Variants in CFAP46 observed in about 807,000 individuals in gnomAD.
CFAP46 encodes the protein cilia- and flagella-associated protein 46.
In CFAP46, 245 loss-of-function variants were observed where a neutral mutation model predicts 325.7. The ratio of observed to expected loss-of-function variants is 0.75; its 90% CI spans 0.68 to 0.84. The LOEUF (loss-of-function observed/expected upper bound fraction) is 0.84. Among genes scored for constraint, CFAP46 ranks in the 40% least tolerant of loss-of-function variants. CFAP46 has a pLI of 0.00. For synonymous variants in CFAP46, 1,523 were observed against 1,495.9 expected (o/e 1.02, Z -0.42); for missense variants, 3,346 against 3,543.0 (o/e 0.94, Z 1.41).
At position 132,833,401 on chromosome 10, in the gene CFAP46, A is replaced by G; in HGVS notation, c.7074T>C (p.Phe2358=). The change falls in exon 50 of 58, where the codon TTT becomes TTC. Residue 2358 remains phenylalanine, a synonymous_variant. Transcript: ENST00000368586. ...GGCGATTCCACAGCATTTGAAGAGA[A>G]AATTCTCGTGACACAGAGGAAATTG... The part of the protein sequence containing the change: ...EGTISSVSRE[F]SLQMLWNRLH... 3 of 1,614,162 alleles carry G rather than the reference A, an allele frequency of 1.9e-6. No individual in the cohort carries two copies. Among genetic ancestry groups the G allele is most frequent in the Non-Finnish European group, 2.5e-6 (3 of 1,180,032 alleles).
chr10:132,872,845 C>T (rs1258267800), intron 31 of CFAP46, 21 bp from the exon 32 acceptor site: 2 of 1,550,348 alleles, frequency 1.3e-6, no homozygotes, highest in Admixed American at 3.9e-5. Context: ...ACATAACACA[C>T]ACAGGAGGTC....
In CFAP46 at chr10:132,831,896, TTTTG is replaced by T. The variant is rs376940510; in HGVS notation, c.7117+1458_7117+1461del. On this transcript the variant is annotated intron_variant, in intron 50 of 57. Transcript: ENST00000368586. ...TATTTGCTATAAACTCTGTGGGGTT[TTTTG>T]TTTGTTTTTCTTGTTTTGTTTTTAT... 3.8e-3 allele frequency among the ~76,000 whole-genome samples: 580 copies of T among 152,310 alleles called. 3 individuals are homozygous for T. The highest frequency in any genetic ancestry group is 0.013 in the African/African-American group (534 of 41,562).
rs1271324305 is a variant in CFAP46 at position 132,823,445 on chromosome 10, CTGA to C, written c.7118-8534_7118-8532del. On this transcript the variant is annotated intron_variant, in intron 50 of 57. Transcript: ENST00000368586. Reference sequence around the variant, plus strand: ...TGAGTGCTGATGTGTGCTGTGTGTGCTGATGTGTGTTGTGTGTGCTGTGTGAGT... The same window carrying C: ...TGAGTGCTGATGTGTGCTGTGTGTGCTGTGTGTTGTGTGTGCTGTGTGAGT... Among the ~76,000 whole-genome samples the C allele has an allele frequency of 1.2e-4, 13 of 110,054 alleles. No individual in the cohort carries two copies. The East Asian group carries it at 1.9e-3, about 16-fold the overall frequency. The allele number at this position is 110,054 out of a possible 152,430, so 72.2% of individuals were successfully genotyped here.
At chr10:132,937,350 T>C (rs1850024356) in intron 6 of CFAP46, 4 of 612,106 alleles carry the variant, frequency 6.5e-6, no homozygotes, top group African/African-American at 5.6e-5. Context: ...TGTTTTGTTT[T>C]CTAAATGTCA....
chr10:132,819,887 C>T (rs748039959), intron 50 of CFAP46, among the ~76,000 whole-genome samples: 11 of 152,160 alleles, frequency 7.2e-5, no homozygotes, highest in Admixed American at 1.3e-4. Flanking sequence ...GAAATAAACA[C>T]GTGAGATCAC....
intron 34 of CFAP46, among the ~76,000 whole-genome samples, chr10:132,867,128 C>T (rs906175171): frequency 2.6e-5 from 4 of 151,666 alleles, no homozygotes; most frequent in African/African-American, 7.3e-5. Context: ...ACACACAGGC[C>T]GGCCCCTCGC....
chr10:132,836,773 C>T (rs764427707), intron 45 of CFAP46, 44 bp downstream of exon 45: 7 of 1,552,926 alleles, frequency 4.5e-6, no homozygotes, highest in Non-Finnish European at 5.3e-6. Flanking sequence ...CCTGAGGCCT[C>T]TCAGCGGGCT....
At position 132,836,934 on chromosome 10, in the gene CFAP46, C is replaced by T. The variant is rs1276942496; in HGVS notation, c.6439-20G>A. The T allele has an allele frequency of 6.3e-7, 1 of 1,585,808 alleles. No individual in the cohort carries two copies. Among genetic ancestry groups the T allele is most frequent in the Non-Finnish European group, 8.7e-7 (1 of 1,154,602 alleles). On this transcript the variant is annotated intron_variant, in intron 44 of 57. Transcript: ENST00000368586. ...CCAAGCCTGTGTGGCGAAAAACGGCCATCAGGGGATGCATTTAGGACGCAA... is the reference window on the plus strand; with the variant it reads ...CCAAGCCTGTGTGGCGAAAAACGGCTATCAGGGGATGCATTTAGGACGCAA...
Position 132,939,054 on chromosome 10 carries a change from A to C in CFAP46, c.372-301T>G, listed in dbSNP as rs534447786. Among the ~76,000 whole-genome samples, 45 of 152,250 alleles carry C rather than the reference A, an allele frequency of 3.0e-4. No homozygotes were observed. Among genetic ancestry groups the C allele is most frequent in the African/African-American group, 1.1e-3 (44 of 41,550 alleles). On this transcript the variant is annotated intron_variant, in intron 4 of 57. Coordinates refer to ENST00000368586, the MANE Select transcript of CFAP46 (RefSeq NM_001200049.3). This position sits in a 1 kb window ranked among gnomAD's most constrained non-coding sequence, Gnocchi z 4.6. ...AGTCCAGACCAGGGCCTTCTTCATCAATTATTCCACAAACTGATCGGCCCC... is the reference window on the plus strand; with the variant it reads ...AGTCCAGACCAGGGCCTTCTTCATCCATTATTCCACAAACTGATCGGCCCC...
chr10:132,821,511 C>A (rs1426533921), intron 50 of CFAP46, among the ~76,000 whole-genome samples: 9 of 115,248 alleles, frequency 7.8e-5, no homozygotes, highest in East Asian at 2.9e-4. Flanking sequence ...GCTGTGTGCG[C>A]TGTGTGCTGT....
In CFAP46 at chr10:132,866,172, C is replaced by G; in HGVS notation, c.4744-1G>C. 1 of 1,519,172 alleles carries G rather than the reference C, an allele frequency of 6.6e-7. No individual in the cohort carries two copies. Among genetic ancestry groups the G allele is most frequent in the Non-Finnish European group, 8.8e-7 (1 of 1,131,276 alleles). 94.1% of individuals were successfully genotyped at this position (1,519,172 alleles called of 1,614,324 possible). ...CGGTCTCCCCATTCATCTTCAAAAT[C>G]TGTAAGATACCGCAGCCCCAGGCGG... On this transcript the variant is annotated splice_acceptor_variant, in intron 34 of 57. Coordinates refer to ENST00000368586, the MANE Select transcript of CFAP46 (RefSeq NM_001200049.3). LOFTEE classifies it high-confidence loss of function.
chr10:132,851,153 A>T lies in CFAP46; in HGVS notation c.5727T>A (p.Tyr1909Ter). The T allele has an allele frequency of 6.2e-7, 1 of 1,614,078 alleles. No individual in the cohort carries two copies. Among genetic ancestry groups the T allele is most frequent in the Non-Finnish European group, 8.5e-7 (1 of 1,180,034 alleles). ...QGSLEKLLAD[Y>*]LQNTSDYTSV... ...AAGTGTAGTCACTGGTGTTCTGCAG[A>T]TAGTCCGCCAGCAGCTTCTCCAGGG... The change falls in exon 40 of 58, where the codon TAT (tyrosine) becomes TAA (stop). Residue 1909 changes from tyrosine to a stop codon, truncating the protein, a stop_gained. Coordinates refer to ENST00000368586, the MANE Select transcript of CFAP46 (RefSeq NM_001200049.3). LOFTEE classifies it high-confidence loss of function.
intron 48 of CFAP46, 80 bp downstream of exon 48, chr10:132,834,574 A>G: frequency 6.4e-7 from 1 of 1,550,844 alleles, no homozygotes; most frequent in South Asian, 1.2e-5. Context: ...CAGCAAGCAC[A>G]CGTGGTTGGC....
In CFAP46 at chr10:132,934,774, A is replaced by T; in HGVS notation, c.844T>A (p.Phe282Ile). 6.2e-7 allele frequency: 1 copy of T among 1,602,424 alleles called. No homozygotes were observed. Among genetic ancestry groups the T allele is most frequent in the Non-Finnish European group, 8.5e-7 (1 of 1,169,830 alleles). Reference protein sequence around the residue: ...RHLGHYNHQRFPSISEEKMLL... With the variant: ...RHLGHYNHQRIPSISEEKMLL... Reference sequence around the variant, plus strand: ...TACTTTTCTTCACTGATAGAGGGAAAGCGCTGGTGGTTGTAATGACCTAAG... The same window carrying T: ...TACTTTTCTTCACTGATAGAGGGAATGCGCTGGTGGTTGTAATGACCTAAG... Residue 282 changes from phenylalanine (F) to isoleucine (I), a missense_variant, in exon 8 of 58, where the codon TTT becomes ATT. Physicochemically the swap from Phe to Ile is conservative, Grantham distance 21. Coordinates refer to ENST00000368586, the MANE Select transcript of CFAP46 (RefSeq NM_001200049.3).
intron 24 of CFAP46, among the ~76,000 whole-genome samples, chr10:132,892,994 G>A (rs141341228): frequency 6.6e-6 from 1 of 152,270 alleles, no homozygotes; most frequent in African/African-American, 2.4e-5. Flanking sequence ...CCAGCACCAG[G>A]GAAAGGCCAT....
At chr10:132,872,920 C>T in intron 31 of CFAP46, 96 bp from the exon 32 acceptor site, 2 of 1,386,096 alleles carry the variant, frequency 1.4e-6, no homozygotes, top group Middle Eastern at 2.1e-4. Context: ...CCTCCCCATG[C>T]CAGCACATGT....
intron 50 of CFAP46, among the ~76,000 whole-genome samples, chr10:132,823,871 C>T (rs1197849016): frequency 6.1e-5 from 8 of 131,064 alleles, no homozygotes; most frequent in East Asian, 2.5e-4. Flanking sequence ...GCTGTCTGTG[C>T]GCTGATGTGC....
intron 32 of CFAP46, among the ~76,000 whole-genome samples, chr10:132,870,976 C>G (rs1340054949): frequency 6.6e-6 from 1 of 152,238 alleles, no homozygotes; most frequent in Non-Finnish European, 1.5e-5. Context: ...CACAGGCTGA[C>G]TCTCTTGCTA....
chr10:132,892,704 G>A (rs45493193), intron 24 of CFAP46, among the ~76,000 whole-genome samples: 14,471 of 152,224 alleles, frequency 0.095, 1,834 homozygotes, highest in African/African-American at 0.29. Context: ...ACTTGGAACT[G>A]CCTCTGATTG....
Sources: allele counts gnomAD v4.1 joint callset (sites outside exome capture counted in the v4.1 genomes callset), GRCh38; gene constraint gnomAD v4.1.1; non-coding constraint Gnocchi (gnomAD v3.1); transcripts MANE v1.5; gene names NCBI Gene and HGNC (gene_info 2026-07-23, HGNC 2026-07-21).